KHDRBS3: variants seen among roughly 807,000 people sequenced by gnomAD.
The protein encoded by KHDRBS3 is KH RNA binding domain containing, signal transduction associated 3.
A neutral mutation model predicts 45.6 loss-of-function variants in KHDRBS3; 23 were observed. The ratio of observed to expected loss-of-function variants is 0.50; its 90% CI spans 0.36 to 0.72. The LOEUF is 0.72. KHDRBS3 is among the 30% of genes least tolerant of loss of function. The pLI, the probability that KHDRBS3 is intolerant of heterozygous loss-of-function variation, is 0.00. For missense variants in KHDRBS3, 352 were observed against 424.8 expected (o/e 0.83, Z 1.51); for synonymous variants, 162 against 156.5 (o/e 1.04, Z -0.26).
intron 5 of KHDRBS3, among the ~76,000 whole-genome samples, chr8:135,560,094 C>T (rs1399649621): frequency 6.6e-6 from 1 of 152,114 alleles, no homozygotes; most frequent in African/African-American, 2.4e-5. Flanking sequence ...AAGTCTCCCA[C>T]ACATGACATT....
At chr8:135,553,724 A>G (rs1412818845) in intron 4 of KHDRBS3, among the ~76,000 whole-genome samples, 1 of 152,272 alleles carries the variant, frequency 6.6e-6, no homozygotes, top group Non-Finnish European at 1.5e-5. Flanking sequence ...CTTTTTCTCC[A>G]TTCTTCAGGC....
intron 5 of KHDRBS3, among the ~76,000 whole-genome samples, chr8:135,580,891 G>C (rs540773446): frequency 6.6e-6 from 1 of 152,230 alleles, no homozygotes; most frequent in South Asian, 2.1e-4. Flanking sequence ...GGGATTACAG[G>C]CCTGAGCCGT....
intron 1 of KHDRBS3, among the ~76,000 whole-genome samples, chr8:135,492,249 G>A (rs1335974242): frequency 6.6e-6 from 1 of 151,998 alleles, no homozygotes; most frequent in Non-Finnish European, 1.5e-5. Flanking sequence ...TAGATACGTG[G>A]ATTGTAGTAC....
intron 1 of KHDRBS3, among the ~76,000 whole-genome samples, chr8:135,515,489 C>G (rs1319885812): frequency 6.8e-6 from 1 of 147,090 alleles, no homozygotes; most frequent in Non-Finnish European, 1.5e-5. Context: ...ATCAGGTCCT[C>G]TTTCCACCCT....
chr8:135,557,971 T>C (rs2130834015), intron 5 of KHDRBS3, among the ~76,000 whole-genome samples: 1 of 152,318 alleles, frequency 6.6e-6, no homozygotes, highest in African/African-American at 2.4e-5. Context: ...TAGGTGAATA[T>C]TATTATTCAC....
chr8:135,600,449 G>A (rs764168991), intron 6 of KHDRBS3, among the ~76,000 whole-genome samples: 4 of 152,136 alleles, frequency 2.6e-5, no homozygotes, highest in Admixed American at 6.5e-5. Flanking sequence ...GATTTAGGGA[G>A]ATTAAAAATA....
At position 135,613,622 on chromosome 8, in the gene KHDRBS3, G is replaced by A. The variant is rs73712093; in HGVS notation, c.890+6585G>A. ...CTGCTTGTTGTTTCACACAAGAGTG[G>A]CTACGAAGAGCAGGTTCTGGGAAAC... is the stretch of plus-strand genomic sequence containing the variant. On this transcript the variant is annotated intron_variant, in intron 7 of 8. Coordinates refer to ENST00000355849, the MANE Select transcript of KHDRBS3 (RefSeq NM_006558.3). 9.6e-3 allele frequency among the ~76,000 whole-genome samples: 1,458 copies of A among 151,664 alleles called. 44 individuals are homozygous for A. The highest frequency in any genetic ancestry group is 0.027 in the African/African-American group (1,104 of 41,056).
chr8:135,559,020 C>A (rs1027853324), intron 5 of KHDRBS3, among the ~76,000 whole-genome samples: 1 of 152,180 alleles, frequency 6.6e-6, no homozygotes, highest in African/African-American at 2.4e-5. Flanking sequence ...TATCTATAAT[C>A]TTCTGCCTCC....
rs1821184392 is a variant in KHDRBS3 at position 135,457,790 on chromosome 8, C to T, written c.-77C>T. Reference sequence around the variant, plus strand: ...CCCCGGGTCCCCGCCGCTGGGGGCGCGGGCGGGGTCGGGGGTTGCCGGGCG... The same window carrying T: ...CCCCGGGTCCCCGCCGCTGGGGGCGTGGGCGGGGTCGGGGGTTGCCGGGCG... On this transcript the variant is annotated 5_prime_UTR_variant, in exon 1 of 9. Coordinates refer to ENST00000355849, the MANE Select transcript of KHDRBS3 (RefSeq NM_006558.3). This position sits in a 1 kb window ranked among gnomAD's most constrained non-coding sequence, Gnocchi z 4.4. 7 of 810,352 alleles carry T rather than the reference C, an allele frequency of 8.6e-6. No individual in the cohort carries two copies. The South Asian group carries it at 1.3e-4, about 15-fold the overall frequency. The allele number at this position is 810,352 out of a possible 1,614,324, so 50.2% of individuals were successfully genotyped here.
rs1484530416 is a variant in KHDRBS3 at position 135,635,607 on chromosome 8, T to A, written c.891-9452T>A. ...CACATTAGCCAGGCTGGTCTCCAGCTCCCAACCTCAGGTGATCCACCTGCC... is the reference window on the plus strand; with the variant it reads ...CACATTAGCCAGGCTGGTCTCCAGCACCCAACCTCAGGTGATCCACCTGCC... On this transcript the variant is annotated intron_variant, in intron 7 of 8. Coordinates refer to ENST00000355849, the MANE Select transcript of KHDRBS3 (RefSeq NM_006558.3). 3.3e-5 allele frequency among the ~76,000 whole-genome samples: 5 copies of A among 152,116 alleles called. No homozygotes were observed. In the South Asian group the frequency reaches 1.0e-3, roughly 32 times the overall value.
rs749251634 is a variant in KHDRBS3, at chr8:135,581,961, G to A, written c.695G>A (p.Arg232Gln). The change falls in exon 6 of 9, where the codon CGA becomes CAA. Residue 232 changes from arginine (R) to glutamine (Q), a missense_variant. Physicochemically the swap from Arg to Gln is conservative, Grantham distance 43. Around this residue, in one of 6 missense-constraint regions of KHDRBS3, gnomAD observed 212 missense variants for 209.6 expected, o/e 1.01. Coordinates refer to ENST00000355849, the MANE Select transcript of KHDRBS3 (RefSeq NM_006558.3). The stretch of plus-strand genomic sequence containing the variant: ...ACTCCCAGAGGAGTCCTGTCCACCC[G>A]AGGGCCAGTGAGTCGGGGAAGAGGA... ...TPTPRGVLST[R>Q]GPVSRGRGLL... The A allele has an allele frequency of 7.4e-6, 12 of 1,613,406 alleles. No homozygotes were observed. The highest frequency in any genetic ancestry group is 1.6e-4 in the Middle Eastern group (1 of 6,082).
chr8:135,594,692 A>C (rs1828895632), intron 6 of KHDRBS3, among the ~76,000 whole-genome samples: 1 of 152,240 alleles, frequency 6.6e-6, no homozygotes, highest in Non-Finnish European at 1.5e-5. Flanking sequence ...TGTAATATCC[A>C]GTACTATTCA....
At chr8:135,524,949 C>T (rs929971648) in intron 2 of KHDRBS3, among the ~76,000 whole-genome samples, 3 of 152,152 alleles carry the variant, frequency 2.0e-5, no homozygotes, top group African/African-American at 4.8e-5. Flanking sequence ...TCACTGAGTA[C>T]GGTTAAATAG....
chr8:135,562,704 A>G (rs1462896525), intron 5 of KHDRBS3, among the ~76,000 whole-genome samples: 1 of 152,232 alleles, frequency 6.6e-6, no homozygotes, highest in Non-Finnish European at 1.5e-5. Flanking sequence ...ACGTATTACA[A>G]CATTCCGTAG....
Position 135,628,534 on chromosome 8 carries a change from G to A in KHDRBS3, c.891-16525G>A, listed in dbSNP as rs141933560. Among the ~76,000 whole-genome samples, 408 of 152,262 alleles carry A rather than the reference G, an allele frequency of 2.7e-3. 5 individuals carry two copies. Among genetic ancestry groups the A allele is most frequent in the African/African-American group, 9.2e-3 (381 of 41,544 alleles). The stretch of plus-strand genomic sequence containing the variant: ...TTATTTTAAAGACGAAAGATAAATT[G>A]CATAGAATACATGGCTTATAATAGG... On this transcript the variant is annotated intron_variant, in intron 7 of 8. Coordinates refer to ENST00000355849, the MANE Select transcript of KHDRBS3 (RefSeq NM_006558.3).
Position 135,551,708 on chromosome 8 carries a change from G to A in KHDRBS3, c.471+2808G>A, listed in dbSNP as rs112986073. On this transcript the variant is annotated intron_variant, in intron 4 of 8. Transcript: ENST00000355849. ...TAATTATGAAGGATATTGGTTTGTC[G>A]CACAGTATTTTTCTGGAGTCTTTTA... is the stretch of plus-strand genomic sequence containing the variant. 1.2e-4 allele frequency among the ~76,000 whole-genome samples: 19 copies of A among 152,062 alleles called. 1 individual carries two copies. The East Asian group carries it at 1.4e-3, about 11-fold the overall frequency.
intron 5 of KHDRBS3, among the ~76,000 whole-genome samples, chr8:135,577,419 C>T (rs1827996528): frequency 6.7e-6 from 1 of 150,246 alleles, no homozygotes; most frequent in African/African-American, 2.4e-5. Flanking sequence ...ACCTTCTCTC[C>T]ACCCCTTAAA....
At chr8:135,644,533 C>T (rs1038453834) in intron 7 of KHDRBS3, among the ~76,000 whole-genome samples, 6 of 152,198 alleles carry the variant, frequency 3.9e-5, no homozygotes, top group Non-Finnish European at 8.8e-5. Context: ...AAGTACAGCA[C>T]CCACAATTCA....
chr8:135,601,295 A>G (rs528894730), intron 6 of KHDRBS3, among the ~76,000 whole-genome samples: 1 of 152,324 alleles, frequency 6.6e-6, no homozygotes, highest in African/African-American at 2.4e-5. Flanking sequence ...CATATTCAGA[A>G]AGGTAGGTGA....
Sources: gnomAD v4.1 joint callset for allele counts (sites outside exome capture counted in the v4.1 genomes callset) on GRCh38, gnomAD v4.1.1 for gene constraint, gnomAD v4.1.1 regional missense constraint, Gnocchi (gnomAD v3.1) non-coding constraint, MANE v1.5 for transcripts, NCBI Gene and HGNC (gene_info 2026-07-23, HGNC 2026-07-21) for gene names.